The following SEMA6C variants were observed in gnomAD, a reference collection of about 807,000 sequenced individuals.
SEMA6C encodes semaphorin 6C.
Under a neutral mutation model 72.9 loss-of-function variants are expected in SEMA6C, and 37 were observed. The ratio of observed to expected loss-of-function variants is 0.51; its 90% CI spans 0.39 to 0.67. The LOEUF is 0.67. Ranked by LOEUF, SEMA6C falls within the 30% of genes least tolerant of loss-of-function variation. The pLI, the probability that SEMA6C is intolerant of heterozygous loss-of-function variation, is 0.00. For missense variants in SEMA6C, 1,189 were observed against 1,263.6 expected, an observed-to-expected ratio of 0.94 and a Z score of 0.89; for synonymous variants, 578 against 554.1, an observed-to-expected ratio of 1.04 and a Z score of -0.61.
chr1:151,134,104 C>T (rs943906769), intron 18 of SEMA6C: 21 of 1,323,286 alleles, frequency 1.6e-5, no homozygotes, highest in African/African-American at 3.0e-5. Flanking sequence ...GATCTCTACC[C>T]CTGACACCCT....
rs1682648054 is a variant in SEMA6C, at chr1:151,142,681, A to AG, written c.-54-7dup. 2 of 1,420,662 alleles carry AG rather than the reference A, an allele frequency of 1.4e-6. No individual in the cohort carries two copies. The highest frequency in any genetic ancestry group is 9.3e-7 in the Non-Finnish European group (1 of 1,072,850). 88.0% of individuals were successfully genotyped at this position (1,420,662 alleles called of 1,614,324 possible). A position where few individuals can be genotyped will look rare whatever the true frequency, so the allele number is the denominator to read the frequency against. ...CCCTCACCCATAAGCCGGCCCTGAA[A>AG]GGGGAGACAGGGAAAAGTGGGGGAG... On this transcript the variant is annotated splice_region_variant and splice_polypyrimidine_tract_variant and intron_variant, in intron 2 of 18. Coordinates refer to ENST00000368914, the MANE Select transcript of SEMA6C (RefSeq NM_030913.6).
At position 151,136,943 on chromosome 1, in the gene SEMA6C, ATAGAAAG is replaced by A. The variant is rs778256794; in HGVS notation, c.881_887del (p.Thr294IlefsTer8). ...CAGTCAAGGCCTGTAAAACATCAAA[ATAGAAAG>A]TAGAGTCCCCAGGGACAGAGCAGTT... On this transcript the variant is annotated frameshift_variant, in exon 11 of 19. Transcript: ENST00000368914. LOFTEE classifies it high-confidence loss of function. 6.2e-7 allele frequency: 1 copy of A among 1,614,186 alleles called. No individual in the cohort carries two copies. The highest frequency in any genetic ancestry group is 8.5e-7 in the Non-Finnish European group (1 of 1,180,034).
rs754612583 is a variant in SEMA6C, at chr1:151,133,500, G to T, written c.1777C>A (p.Pro593Thr). 1.3e-6 allele frequency: 2 copies of T among 1,523,522 alleles called. No homozygotes were observed. The highest frequency in any genetic ancestry group is 1.8e-6 in the Non-Finnish European group (2 of 1,138,610). 94.4% of individuals were successfully genotyped at this position (1,523,522 alleles called of 1,614,324 possible). A position where few individuals can be genotyped will look rare whatever the true frequency, so the allele number is the denominator to read the frequency against. Residue 593 changes from proline (P) to threonine (T), a missense_variant, in exon 19 of 19, where the codon CCC (proline) becomes ACC (threonine). Physicochemically the swap from Pro to Thr is conservative, Grantham distance 38. Coordinates refer to ENST00000368914, the MANE Select transcript of SEMA6C (RefSeq NM_030913.6). This position sits in a 1 kb window ranked among gnomAD's most constrained non-coding sequence, Gnocchi z 5.9. ...ACGGAGCGGGAGGCCGAGGCTGGGGGCAGGTCCCGGCGCACGCCTGCCGAC... is the reference window on the plus strand; with the variant it reads ...ACGGAGCGGGAGGCCGAGGCTGGGGTCAGGTCCCGGCGCACGCCTGCCGAC... ...DSAYGVRRDL[P>T]PASASRSVPI...
In SEMA6C at chr1:151,132,914, G is replaced by T; in HGVS notation, c.2363C>A (p.Ala788Asp). The T allele has an allele frequency of 7.2e-7, 1 of 1,381,492 alleles. No homozygotes were observed. The highest frequency in any genetic ancestry group is 9.4e-7 in the Non-Finnish European group (1 of 1,067,464). The allele number at this position is 1,381,492 out of a possible 1,614,324, so 85.6% of individuals were successfully genotyped here. The change falls in exon 19 of 19, where the codon GCC (alanine) becomes GAC (aspartate). Residue 788 changes from alanine (A) to aspartate (D), a missense_variant. Physicochemically the swap from Ala to Asp is moderately radical, Grantham distance 126. Coordinates refer to ENST00000368914, the MANE Select transcript of SEMA6C (RefSeq NM_030913.6). ...QPPRKGAEPP[A>D]PLTSRALPPE... Reference sequence around the variant, plus strand: ...CGGGAGCGCCCGCGAGGTTAAAGGGGCGGGGGGCTCGGCCCCCTTTCTGGG... The same window carrying T: ...CGGGAGCGCCCGCGAGGTTAAAGGGTCGGGGGGCTCGGCCCCCTTTCTGGG...
At position 151,146,498 on chromosome 1, in the gene SEMA6C, T is replaced by C. The variant is rs1682946699; in HGVS notation, c.-170A>G. On this transcript the variant is annotated 5_prime_UTR_variant, in exon 1 of 19. Coordinates refer to ENST00000368914, the MANE Select transcript of SEMA6C (RefSeq NM_030913.6). The surrounding 1 kb of genome is among the most constrained non-coding windows in gnomAD (Gnocchi z 4.6). ...GCCAGCGGCCACGCGCTGCGCTGAGTTCGCAATCCGTGGTTGTGCTCAGGC... is the reference window on the plus strand; with the variant it reads ...GCCAGCGGCCACGCGCTGCGCTGAGCTCGCAATCCGTGGTTGTGCTCAGGC... The C allele has an allele frequency of 6.6e-6, 1 of 152,156 alleles. No individual in the cohort carries two copies. The highest frequency in any genetic ancestry group is 1.5e-5 in the Non-Finnish European group (1 of 68,080). The allele number at this position is 152,156 out of a possible 1,614,324, so 9.4% of individuals were successfully genotyped here.
chr1:151,142,492 C>G lies in SEMA6C; in HGVS notation c.118+12G>C. 6.2e-7 allele frequency: 1 copy of G among 1,613,288 alleles called. No individual in the cohort carries two copies. Among genetic ancestry groups the G allele is most frequent in the South Asian group, 1.1e-5 (1 of 90,798 alleles). The stretch of plus-strand genomic sequence containing the variant: ...TCACAGAGATGGGGCAAGGTAGGTA[C>G]TGGGCACTCACCTTGAAGGTCAGAG... On this transcript the variant is annotated intron_variant, in intron 3 of 18. Coordinates refer to ENST00000368914, the MANE Select transcript of SEMA6C (RefSeq NM_030913.6).
Position 151,133,845 on chromosome 1 carries a change from G to A in SEMA6C, c.1760-328C>T, listed in dbSNP as rs1681790970. The A allele has an allele frequency of 2.0e-6, 2 of 1,010,320 alleles. No individual in the cohort carries two copies. The highest frequency in any genetic ancestry group is 5.3e-5 in the Admixed American group (2 of 37,566). 62.6% of individuals were successfully genotyped at this position (1,010,320 alleles called of 1,614,324 possible). ...CTGGGATGCCCAATTCTGGGGAAGGGAGGCTCCAAACAGGCGTTAGTGAGC... is the reference window on the plus strand; with the variant it reads ...CTGGGATGCCCAATTCTGGGGAAGGAAGGCTCCAAACAGGCGTTAGTGAGC... On this transcript the variant is annotated intron_variant, in intron 18 of 18. Transcript: ENST00000368914. The surrounding 1 kb of genome is among the most constrained non-coding windows in gnomAD (Gnocchi z 5.9).
At chr1:151,137,654 G>A in intron 10 of SEMA6C, 57 bp downstream of exon 10, 1 of 1,404,082 alleles carries the variant, frequency 7.1e-7, no homozygotes, top group Non-Finnish European at 1.0e-6. Flanking sequence ...ACTCAGACTG[G>A]CTCCTCAGGA....
rs775463068 is a variant in SEMA6C at position 151,132,631 on chromosome 1, G to A, written c.2646C>T (p.His882=). ...CCTCGGGCCGGCCCAGGTACAGGAG[G>A]TGCTTCCCGGGACCCCCGGAGTACC... The part of the protein sequence containing the change: ...PSRYSGGPGK[H]LLYLGRPEGY... Residue 882 remains histidine (H), a synonymous_variant, in exon 19 of 19, where the codon CAC becomes CAT. Transcript: ENST00000368914. The A allele has an allele frequency of 3.2e-6, 5 of 1,550,818 alleles. No individual in the cohort carries two copies. Among genetic ancestry groups the A allele is most frequent in the South Asian group, 1.2e-5 (1 of 84,118 alleles).
In SEMA6C at chr1:151,133,003, G is replaced by A. The variant is rs938228890; in HGVS notation, c.2274C>T (p.Pro758=). 14 of 1,408,446 alleles carry A rather than the reference G, an allele frequency of 9.9e-6. No homozygotes were observed. The African/African-American group carries it at 1.1e-4, about 11-fold the overall frequency. 87.2% of individuals were successfully genotyped at this position (1,408,446 alleles called of 1,614,324 possible). ...VLVRPPPPGC[P]GQAVEVTTLE... ...GGGTGGTGACTTCCACGGCCTGCCCGGGACAGCCGGGCGGCGGTGGCCTCA... is the reference window on the plus strand; with the variant it reads ...GGGTGGTGACTTCCACGGCCTGCCCAGGACAGCCGGGCGGCGGTGGCCTCA... Residue 758 remains proline (P), a synonymous_variant, in exon 19 of 19, where the codon CCC becomes CCT. Transcript: ENST00000368914. This position sits in a 1 kb window ranked among gnomAD's most constrained non-coding sequence, Gnocchi z 5.9.
chr1:151,140,242 T>C, intron 3 of SEMA6C, 152 bp from the exon 4 acceptor site: 1 of 669,298 alleles, frequency 1.5e-6, no homozygotes, highest in Non-Finnish European at 2.7e-6. Flanking sequence ...GAGTACTTAA[T>C]CTCTGCCAAA....
intron 3 of SEMA6C, among the ~76,000 whole-genome samples, chr1:151,141,500 C>T (rs1214495764): frequency 6.6e-6 from 1 of 152,108 alleles, no homozygotes; most frequent in Non-Finnish European, 1.5e-5. Flanking sequence ...ACCTCCGCCT[C>T]CTGGGTTCAA....
Position 151,133,601 on chromosome 1 carries a change from G to A in SEMA6C, c.1760-84C>T, listed in dbSNP as rs1558178557. 7 of 1,434,776 alleles carry A rather than the reference G, an allele frequency of 4.9e-6. No homozygotes were observed. In the East Asian group the frequency reaches 1.8e-4, roughly 36 times the overall value. 88.9% of individuals were successfully genotyped at this position (1,434,776 alleles called of 1,614,324 possible). A position where few individuals can be genotyped will look rare whatever the true frequency, so the allele number is the denominator to read the frequency against. On this transcript the variant is annotated intron_variant, in intron 18 of 18. Coordinates refer to ENST00000368914, the MANE Select transcript of SEMA6C (RefSeq NM_030913.6). The surrounding 1 kb of genome is among the most constrained non-coding windows in gnomAD (Gnocchi z 5.9). ...GGCCCAGAGGCGCCGGCAGTTCCCA[G>A]GCCTGACATCATCGTCCCTCCCGCT...
Position 151,134,843 on chromosome 1 carries a change from C to T in SEMA6C, c.1613G>A (p.Gly538Glu). 3 of 1,614,168 alleles carry T rather than the reference C, an allele frequency of 1.9e-6. No individual in the cohort carries two copies. Among genetic ancestry groups the T allele is most frequent in the Non-Finnish European group, 2.5e-6 (3 of 1,180,016 alleles). ...SCLASQDPYC[G>E]WHSSRGCVDI... Reference sequence around the variant, plus strand: ...CACACAGCCCCTGGAGCTATGCCATCCACAGTATGGGTCCTGAGAAGCCAA... The same window carrying T: ...CACACAGCCCCTGGAGCTATGCCATTCACAGTATGGGTCCTGAGAAGCCAA... The change falls in exon 16 of 19, where the codon GGA (glycine) becomes GAA (glutamate). Residue 538 changes from glycine (G) to glutamate (E), a missense_variant. Around this residue, in one of 2 missense-constraint regions of SEMA6C, gnomAD observed 721 missense variants for 686.2 expected, o/e 1.05. Transcript: ENST00000368914.
At chr1:151,134,216 T>A in intron 18 of SEMA6C, 185 bp downstream of exon 18, 1 of 759,692 alleles carries the variant, frequency 1.3e-6, no homozygotes, top group Non-Finnish European at 2.2e-6. Flanking sequence ...GGACATTGAT[T>A]TATTTGTTCA....
rs1682836637 is a variant in SEMA6C at position 151,145,093 on chromosome 1, A to G, written c.-104-659T>C. The stretch of plus-strand genomic sequence containing the variant: ...GTCAGCTCCTCAACTCCTGGCCTGG[A>G]GAAAAGATCACTCTGCCCTGGAAGA... On this transcript the variant is annotated intron_variant, in intron 1 of 18. Coordinates refer to ENST00000368914, the MANE Select transcript of SEMA6C (RefSeq NM_030913.6). The surrounding 1 kb of genome is among the most constrained non-coding windows in gnomAD (Gnocchi z 4.4). 6.6e-6 allele frequency: 1 copy of G among 152,330 alleles called. No homozygotes were observed. The highest frequency in any genetic ancestry group is 6.5e-5 in the Admixed American group (1 of 15,286). 9.4% of individuals were successfully genotyped at this position (152,330 alleles called of 1,614,324 possible).
At chr1:151,137,573 G>A (rs1477083877) in intron 10 of SEMA6C, 138 bp downstream of exon 10, 11 of 714,212 alleles carry the variant, frequency 1.5e-5, no homozygotes, top group Middle Eastern at 4.1e-4. Flanking sequence ...AGGGCTTGGG[G>A]CTATTCCAAG....
In SEMA6C at chr1:151,135,778, C is replaced by T; in HGVS notation, c.1260-14G>A. On this transcript the variant is annotated splice_polypyrimidine_tract_variant and intron_variant, in intron 13 of 18. Coordinates refer to ENST00000368914, the MANE Select transcript of SEMA6C (RefSeq NM_030913.6). The stretch of plus-strand genomic sequence containing the variant: ...GTCAGTAGGGCCCTGGAGGAAAGGG[C>T]CTCAGGTCAGGGAACCTGTCTAGTG... 6.2e-7 allele frequency: 1 copy of T among 1,612,876 alleles called. No individual in the cohort carries two copies. The highest frequency in any genetic ancestry group is 8.5e-7 in the Non-Finnish European group (1 of 1,179,348).
Position 151,133,043 on chromosome 1 carries a change from G to A in SEMA6C, c.2234C>T (p.Ala745Val). Reference protein sequence around the residue: ...SRGGHAAGGPAPRVLVRPPPP... With the variant: ...SRGGHAAGGPVPRVLVRPPPP... ...CGGTGGCCTCACCAGCACGCGGGGC[G>A]CGGGCCCGCCCGCCGCGTGCCCGCC... Residue 745 changes from alanine (A) to valine (V), a missense_variant, in exon 19 of 19, where the codon GCG (alanine) becomes GTG (valine). By Grantham distance (64) the Ala-to-Val change is moderately conservative. Transcript: ENST00000368914. The surrounding 1 kb of genome is among the most constrained non-coding windows in gnomAD (Gnocchi z 5.9). The A allele has an allele frequency of 1.4e-6, 2 of 1,406,538 alleles. No homozygotes were observed. Among genetic ancestry groups the A allele is most frequent in the East Asian group, 6.5e-5 (2 of 30,546 alleles). The allele number at this position is 1,406,538 out of a possible 1,614,324, so 87.1% of individuals were successfully genotyped here.
Sources: allele counts gnomAD v4.1 joint callset (sites outside exome capture counted in the v4.1 genomes callset), GRCh38; gene constraint gnomAD v4.1.1; regional missense constraint gnomAD v4.1.1; non-coding constraint Gnocchi (gnomAD v3.1); transcripts MANE v1.5; gene names NCBI Gene and HGNC (gene_info 2026-07-23, HGNC 2026-07-21).